The following HTT variants were observed in gnomAD, a reference collection of about 807,000 sequenced individuals.
The protein encoded by HTT is huntingtin.
HTT carries 104 observed loss-of-function variants against 362.3 expected under a neutral mutation model. That is an observed-to-expected ratio of 0.29 (90% CI 0.24 to 0.34). HTT has a LOEUF of 0.34. Ranked by LOEUF, HTT falls within the 10% of genes least tolerant of loss-of-function variation. The pLI, the probability that HTT is intolerant of heterozygous loss-of-function variation, is 1.00. For synonymous variants in HTT, 1,577 were observed against 1,548.7 expected (o/e 1.02, Z -0.43); for missense variants, 3,301 against 3,928.6 (o/e 0.84, Z 4.27).
intron 66 of HTT, among the ~76,000 whole-genome samples, chr4:3,239,401 C>T (rs1186692427): frequency 6.9e-6 from 1 of 143,904 alleles, no homozygotes; most frequent in African/African-American, 2.4e-5. Flanking sequence ...TTCCCACCCC[C>T]AGATGCTGGC....
intron 57 of HTT, 67 bp downstream of exon 57, chr4:3,225,810 A>T (rs1720884265): frequency 8.6e-7 from 1 of 1,163,758 alleles, no homozygotes; most frequent in East Asian, 2.5e-5. Flanking sequence ...CGCTTGACAC[A>T]CCCAGGAGAA....
rs576373345 is a variant in HTT, at chr4:3,125,735, C to T, written c.1402+106C>T. 199 of 794,658 alleles carry T rather than the reference C, an allele frequency of 2.5e-4. 1 individual carries two copies. In the South Asian group the frequency reaches 2.5e-3, roughly 10 times the overall value. 49.2% of individuals were successfully genotyped at this position (794,658 alleles called of 1,614,324 possible). A position where few individuals can be genotyped will look rare whatever the true frequency, so the allele number is the denominator to read the frequency against. On this transcript the variant is annotated intron_variant, in intron 11 of 66. Coordinates refer to ENST00000355072, the MANE Select transcript of HTT (RefSeq NM_001388492.1). ...ACCTGGTGGACAGCACGACTGGGGG[C>T]AGCAGTGGAGCCAGGTTGCTTAAAT...
chr4:3,208,815 C>T lies in HTT; in HGVS notation c.6195C>T (p.Ser2065=). Residue 2065 remains serine, a synonymous_variant, in exon 46 of 67, where the codon TCC becomes TCT. Coordinates refer to ENST00000355072, the MANE Select transcript of HTT (RefSeq NM_001388492.1). ...LYSLLDRFRL[S]TMQDSLSPSP... is the part of the protein sequence containing the mutation. ...CCCTGCTGGACAGGTTTCGTCTCTC[C>T]ACCATGCAAGACTCACTTAGTCCCT... 1 of 1,614,076 alleles carries T rather than the reference C, an allele frequency of 6.2e-7. No homozygotes were observed. The highest frequency in any genetic ancestry group is 1.1e-5 in the South Asian group (1 of 91,074).
In HTT at chr4:3,233,337, C is replaced by G. The variant is rs1319419438; in HGVS notation, c.8440C>G (p.Leu2814Val). ...CATCAGCGACTATCTCCTCTCCAACCTGAAAGGGATCGCCCAGTGAGTGGG... is the reference window on the plus strand; with the variant it reads ...CATCAGCGACTATCTCCTCTCCAACGTGAAAGGGATCGCCCAGTGAGTGGG... ...PVISDYLLSNLKGIAHCVNIH... is the reference protein window; with the variant it reads ...PVISDYLLSNVKGIAHCVNIH... Residue 2814 changes from leucine (L) to valine (V), a missense_variant, in exon 61 of 67, where the codon CTG (leucine) becomes GTG (valine). This residue lies in a region of HTT where 753 missense variants were observed against 1,021.3 expected (regional missense o/e 0.74). Coordinates refer to ENST00000355072, the MANE Select transcript of HTT (RefSeq NM_001388492.1). 6.2e-7 allele frequency: 1 copy of G among 1,601,810 alleles called. No individual in the cohort carries two copies. The highest frequency in any genetic ancestry group is 8.5e-7 in the Non-Finnish European group (1 of 1,170,586).
At chr4:3,172,446 A>G (rs2110231557) in intron 30 of HTT, 49 bp downstream of exon 30, 1 of 1,179,292 alleles carries the variant, frequency 8.5e-7, no homozygotes, top group Non-Finnish European at 1.3e-6. Flanking sequence ...CGGGTATGAC[A>G]GCAAAACGCT....
chr4:3,228,735 G>T lies in HTT; in HGVS notation c.7969G>T (p.Val2657Phe). Residue 2657 changes from valine to phenylalanine, a missense_variant, in exon 58 of 67, where the codon GTC (valine) becomes TTC (phenylalanine). Physicochemically the swap from Val to Phe is conservative, Grantham distance 50. Coordinates refer to ENST00000355072, the MANE Select transcript of HTT (RefSeq NM_001388492.1). The surrounding 1 kb of genome is among the most constrained non-coding windows in gnomAD (Gnocchi z 4.3). ...PAPSSPPTSP[V>F]NSRKHRAGVD... ...ACCTTCGTCACCACCCACGTCTCCA[G>T]TCAACTCCAGGTTTTCCAATGGCCT... The T allele has an allele frequency of 6.3e-7, 1 of 1,589,668 alleles. No homozygotes were observed. The highest frequency in any genetic ancestry group is 8.6e-7 in the Non-Finnish European group (1 of 1,167,376).
chr4:3,086,541 C>T (rs187349452), intron 1 of HTT, among the ~76,000 whole-genome samples: 10 of 152,250 alleles, frequency 6.6e-5, no homozygotes, highest in Admixed American at 1.3e-4. Flanking sequence ...CCCAGTGGTG[C>T]GTGCCTGTGG....
intron 40 of HTT, among the ~76,000 whole-genome samples, chr4:3,193,785 G>C (rs1719126668): frequency 6.6e-6 from 1 of 152,164 alleles, no homozygotes; most frequent in Non-Finnish European, 1.5e-5. Flanking sequence ...AAACAGCTCT[G>C]TGTGGATAGT....
In HTT at chr4:3,116,252, C is replaced by G; in HGVS notation, c.1057C>G (p.Gln353Glu). 1 of 1,610,136 alleles carries G rather than the reference C, an allele frequency of 6.2e-7. No individual in the cohort carries two copies. The highest frequency in any genetic ancestry group is 8.5e-7 in the Non-Finnish European group (1 of 1,176,572). Reference sequence around the variant, plus strand: ...AATGGAAGTCTCTCCTTCTGCAGAGCAGCTTGTCCAGGTAGGAGCACAGGG... The same window carrying G: ...AATGGAAGTCTCTCCTTCTGCAGAGGAGCTTGTCCAGGTAGGAGCACAGGG... ...KEMEVSPSAE[Q>E]LVQVYELTLH... The change falls in exon 8 of 67, where the codon CAG becomes GAG. Residue 353 changes from glutamine (Q) to glutamate (E), a missense_variant. Physicochemically the swap from Gln to Glu is conservative, Grantham distance 29 (BLOSUM62 2). This residue lies in a region of HTT where 2,316 missense variants were observed against 2,658.5 expected (regional missense o/e 0.87). Coordinates refer to ENST00000355072, the MANE Select transcript of HTT (RefSeq NM_001388492.1).
chr4:3,148,232 T>TA (rs768533597), intron 26 of HTT, 25 bp downstream of exon 26: 3 of 1,510,746 alleles, frequency 2.0e-6, no homozygotes, highest in Non-Finnish European at 2.7e-6. Flanking sequence ...GGGTGCTGGA[T>TA]TCATACAGCC....
rs777792526 is a variant in HTT at position 3,175,083 on chromosome 4, T to C, written c.4383T>C (p.Asn1461=). ...CGCAGCTGGTTCAGTTACGGGTTAA[T>C]TACTGTCTTCTGGATTCAGATCAGG... ...LLAQLVQLRV[N]YCLLDSDQVF... is the part of the protein sequence containing the mutation. The change falls in exon 33 of 67, where the codon AAT becomes AAC. Residue 1461 remains asparagine (N), a synonymous_variant. Transcript: ENST00000355072. 2 of 1,613,782 alleles carry C rather than the reference T, an allele frequency of 1.2e-6. No individual in the cohort carries two copies. Among genetic ancestry groups the C allele is most frequent in the Non-Finnish European group, 1.7e-6 (2 of 1,179,922 alleles).
chr4:3,176,962 G>A (rs1486684636), intron 33 of HTT, among the ~76,000 whole-genome samples: 1 of 152,220 alleles, frequency 6.6e-6, no homozygotes, highest in South Asian at 2.1e-4. Context: ...GTTGGGGGAC[G>A]AAGGTCGACT....
At chr4:3,113,574 C>T (rs1291655909) in intron 6 of HTT, among the ~76,000 whole-genome samples, 1 of 152,188 alleles carries the variant, frequency 6.6e-6, no homozygotes, top group African/African-American at 2.4e-5. Context: ...AAGTGATCTG[C>T]CTTCTTCAGC....
Position 3,131,419 on chromosome 4 carries a change from C to T in HTT, c.2098+22C>T, listed in dbSNP as rs764044273. The T allele has an allele frequency of 1.0e-5, 16 of 1,573,230 alleles. No individual in the cohort carries two copies. The African/African-American group carries it at 1.6e-4, about 16-fold the overall frequency. On this transcript the variant is annotated intron_variant, in intron 15 of 66. Transcript: ENST00000355072. ...AATGGTGAGTACAAAAGGGGATGTGCACAGTTGAAGGAAATAACTAGGTTT... is the reference window on the plus strand; with the variant it reads ...AATGGTGAGTACAAAAGGGGATGTGTACAGTTGAAGGAAATAACTAGGTTT...
At chr4:3,173,411 G>C (rs1430948163) in intron 31 of HTT, among the ~76,000 whole-genome samples, 1 of 152,164 alleles carries the variant, frequency 6.6e-6, no homozygotes, top group African/African-American at 2.4e-5. Context: ...CTGAGAAGCA[G>C]CCAGCTCTCA....
In HTT at chr4:3,211,959, T is replaced by C; in HGVS notation, c.6445T>C (p.Leu2149=). ...EFNLSLLAPC[L]SLGMSEISGG... ...CAACCTAAGCCTGCTAGCTCCATGCTTAAGCCTAGGGATGAGTGAAATTTC... is the reference window on the plus strand; with the variant it reads ...CAACCTAAGCCTGCTAGCTCCATGCCTAAGCCTAGGGATGAGTGAAATTTC... The change falls in exon 48 of 67, where the codon TTA becomes CTA. Residue 2149 remains leucine (L), a synonymous_variant. Coordinates refer to ENST00000355072, the MANE Select transcript of HTT (RefSeq NM_001388492.1). 1.2e-6 allele frequency: 2 copies of C among 1,614,208 alleles called. No homozygotes were observed. Among genetic ancestry groups the C allele is most frequent in the African/African-American group, 2.7e-5 (2 of 75,056 alleles).
chr4:3,215,424 G>A (rs143097854), intron 51 of HTT, among the ~76,000 whole-genome samples: 2 of 152,062 alleles, frequency 1.3e-5, no homozygotes, highest in East Asian at 1.9e-4. Flanking sequence ...GTACACATGC[G>A]GCTGTCTCTG....
At chr4:3,147,053 G>GC (rs1560568621) in intron 25 of HTT, 105 bp downstream of exon 25, 2 of 1,081,330 alleles carry the variant, frequency 1.8e-6, no homozygotes, top group Non-Finnish European at 2.8e-6. Flanking sequence ...TAAGGTCATT[G>GC]CCAGTGATGG....
At chr4:3,225,601 G>A in intron 56 of HTT, 60 bp from the exon 57 acceptor site, 19 of 1,483,868 alleles carry the variant, frequency 1.3e-5, no homozygotes, top group Non-Finnish European at 1.8e-5. Flanking sequence ...GCTGGTATGG[G>A]GTGGGCCTGC....
Sources: gnomAD v4.1 joint callset for allele counts (sites outside exome capture counted in the v4.1 genomes callset) on GRCh38, gnomAD v4.1.1 for gene constraint, gnomAD v4.1.1 regional missense constraint, Gnocchi (gnomAD v3.1) non-coding constraint, MANE v1.5 for transcripts, NCBI Gene and HGNC (gene_info 2026-07-23, HGNC 2026-07-21) for gene names.